The following MAP10 variants were observed in gnomAD, a reference collection of about 807,000 sequenced individuals.
MAP10 encodes the protein microtubule associated protein 10.
MAP10 carries 10 observed loss-of-function variants against 6.3 expected under a neutral mutation model. That is an observed-to-expected ratio of 1.58 (90% CI 0.98 to 2.69). The LOEUF (loss-of-function observed/expected upper bound fraction) is 2.69. MAP10 is among the 30% of genes most tolerant of loss of function. The pLI is 0.00. For synonymous variants in MAP10, 459 were observed against 429.3 expected, an observed-to-expected ratio of 1.07 and a Z score of -0.86; for missense variants, 1,189 against 1,086.5, an observed-to-expected ratio of 1.09 and a Z score of -1.33.
At chr1:232,805,906 G>T in the MAP10 span, 1 of 1,606,884 alleles carries the variant, frequency 6.2e-7, no homozygotes, top group Non-Finnish European at 8.5e-7. Flanking sequence ...GGCCGCCTCC[G>T]GATGCTCCCA....
rs780923119 is a variant in MAP10, at chr1:232,805,441, G to A, written c.-9G>A. 3.3e-5 allele frequency: 53 copies of A among 1,611,752 alleles called. No individual in the cohort carries two copies. The South Asian group carries it at 4.1e-4, about 12-fold the overall frequency. On this transcript the variant is annotated 5_prime_UTR_variant, in exon 1 of 1. Coordinates refer to ENST00000418460, the MANE Select transcript of MAP10 (RefSeq NM_019090.3). Reference sequence around the variant, plus strand: ...GGAGCCCGCGGCGGCGTTTCCTGGGGCAACAGCAATGGCGGCCTCGCTGTC... The same window carrying A: ...GGAGCCCGCGGCGGCGTTTCCTGGGACAACAGCAATGGCGGCCTCGCTGTC...
chr1:232,806,387 A>G lies in MAP10; in HGVS notation c.938A>G (p.Lys313Arg). 6.2e-7 allele frequency: 1 copy of G among 1,613,830 alleles called. No homozygotes were observed. The highest frequency in any genetic ancestry group is 8.5e-7 in the Non-Finnish European group (1 of 1,179,862). Residue 313 changes from lysine (K) to arginine (R), a missense_variant, in exon 1 of 1, where the codon AAA becomes AGA. Coordinates refer to ENST00000418460, the MANE Select transcript of MAP10 (RefSeq NM_019090.3). ...TATTACACTAACTTGACCCAAGAAA[A>G]ACCGCCCCCTGCACAGGCTAAAATC... ...PLYYTNLTQE[K>R]PPPAQAKITI...
chr1:232,809,192 A>G lies in MAP10; in HGVS notation c.*1025A>G, dbSNP rs915037571. On this transcript the variant is annotated 3_prime_UTR_variant, in exon 1 of 1. Transcript: ENST00000418460. ...CCAGTGATAATTTATAATTTATTCC[A>G]TTGGTTTTATATTTAGACTTTATTC... is the stretch of plus-strand genomic sequence containing the variant. 2.0e-5 allele frequency among the ~76,000 whole-genome samples: 3 copies of G among 151,938 alleles called. No individual in the cohort carries two copies. Among genetic ancestry groups the G allele is most frequent in the African/African-American group, 7.2e-5 (3 of 41,394 alleles).
chr1:232,806,179 A>C lies in MAP10; in HGVS notation c.730A>C (p.Lys244Gln). ...GGAGTTAGAAATCCCAGAGGCACAGAAGGATTTGAAGGAAATGGTTAAAAG... is the reference window on the plus strand; with the variant it reads ...GGAGTTAGAAATCCCAGAGGCACAGCAGGATTTGAAGGAAATGGTTAAAAG... The part of the protein sequence containing the change: ...LGELEIPEAQ[K>Q]DLKEMVKSKA... Residue 244 changes from lysine to glutamine, a missense_variant, in exon 1 of 1, where the codon AAG becomes CAG. Physicochemically the swap from Lys to Gln is moderately conservative, Grantham distance 53. Transcript: ENST00000418460. 1.2e-6 allele frequency: 2 copies of C among 1,614,020 alleles called. No homozygotes were observed. Among genetic ancestry groups the C allele is most frequent in the Non-Finnish European group, 1.7e-6 (2 of 1,179,894 alleles).
rs1666095715 is a variant in MAP10, at chr1:232,806,050, A to C, written c.601A>C (p.Thr201Pro). ...QLERPLTFTR[T>P]GGGAEVSPQT... The stretch of plus-strand genomic sequence containing the variant: ...TGAGCGGCCCCTCACCTTCACCCGC[A>C]CAGGAGGAGGAGCGGAGGTCAGTCC... The change falls in exon 1 of 1, where the codon ACA (threonine) becomes CCA (proline). Residue 201 changes from threonine to proline, a missense_variant. Coordinates refer to ENST00000418460, the MANE Select transcript of MAP10 (RefSeq NM_019090.3). 1 of 1,613,976 alleles carries C rather than the reference A, an allele frequency of 6.2e-7. No individual in the cohort carries two copies. Among genetic ancestry groups the C allele is most frequent in the Non-Finnish European group, 8.5e-7 (1 of 1,179,878 alleles).
Position 232,808,186 on chromosome 1 carries a change from A to G in MAP10, c.*19A>G. On this transcript the variant is annotated 3_prime_UTR_variant, in exon 1 of 1. Coordinates refer to ENST00000418460, the MANE Select transcript of MAP10 (RefSeq NM_019090.3). ...AATGTAAAAATACATGCTTTTAAAA[A>G]ACTTTCAAGGACCTATGTGTACTGT... The G allele has an allele frequency of 6.7e-7, 1 of 1,501,368 alleles. No individual in the cohort carries two copies. The highest frequency in any genetic ancestry group is 8.9e-7 in the Non-Finnish European group (1 of 1,119,298). The allele number at this position is 1,501,368 out of a possible 1,614,324, so 93.0% of individuals were successfully genotyped here. A position where few individuals can be genotyped will look rare whatever the true frequency, so the allele number is the denominator to read the frequency against.
Position 232,807,160 on chromosome 1 carries a change from G to A in MAP10, c.1711G>A (p.Glu571Lys), listed in dbSNP as rs377605410. The A allele has an allele frequency of 1.2e-5, 20 of 1,612,612 alleles. No individual in the cohort carries two copies. The highest frequency in any genetic ancestry group is 1.7e-5 in the Non-Finnish European group (20 of 1,179,144). ...TTTAGATTCAGATGCATCTTTCACTGAAAATAGTGATACCTCAAGACAAAT... is the reference window on the plus strand; with the variant it reads ...TTTAGATTCAGATGCATCTTTCACTAAAAATAGTGATACCTCAAGACAAAT... Reference protein sequence around the residue: ...KYLDSDASFTENSDTSRQISG... With the variant: ...KYLDSDASFTKNSDTSRQISG... The change falls in exon 1 of 1, where the codon GAA (glutamate) becomes AAA (lysine). Residue 571 changes from glutamate (E) to lysine (K), a missense_variant. Physicochemically the swap from Glu to Lys is moderately conservative, Grantham distance 56. Transcript: ENST00000418460.
In MAP10 at chr1:232,809,659, C is replaced by G. The variant is rs552173801; in HGVS notation, c.*1492C>G. Among the ~76,000 whole-genome samples, 25 of 151,988 alleles carry G rather than the reference C, an allele frequency of 1.6e-4. No homozygotes were observed. Among genetic ancestry groups the G allele is most frequent in the Non-Finnish European group, 2.7e-4 (18 of 67,874 alleles). On this transcript the variant is annotated 3_prime_UTR_variant, in exon 1 of 1. Transcript: ENST00000418460. Reference sequence around the variant, plus strand: ...TTATAAATGAGCACTAGTAAGTAGTCATGACATTTTGAATATTTTAAATTA... The same window carrying G: ...TTATAAATGAGCACTAGTAAGTAGTGATGACATTTTGAATATTTTAAATTA...
Position 232,806,904 on chromosome 1 carries a change from C to T in MAP10, c.1455C>T (p.Ala485=). 6.2e-7 allele frequency: 1 copy of T among 1,608,918 alleles called. No homozygotes were observed. The highest frequency in any genetic ancestry group is 8.5e-7 in the Non-Finnish European group (1 of 1,178,544). The stretch of plus-strand genomic sequence containing the variant: ...AATATTCTGAAAAGAGCAGTGGTGC[C>T]CTCCATAAAAGAGTTCCAAAAGGGA... ...EDKYSEKSSG[A]LHKRVPKGRL... is the part of the protein sequence containing the mutation. Residue 485 remains alanine, a synonymous_variant, in exon 1 of 1, where the codon GCC becomes GCT. Coordinates refer to ENST00000418460, the MANE Select transcript of MAP10 (RefSeq NM_019090.3).
At position 232,808,696 on chromosome 1, in the gene MAP10, A is replaced by G. The variant is rs1180488071; in HGVS notation, c.*529A>G. Among the ~76,000 whole-genome samples the G allele has an allele frequency of 2.0e-5, 3 of 152,296 alleles. No homozygotes were observed. The highest frequency in any genetic ancestry group is 4.1e-4 in the South Asian group (2 of 4,834). On this transcript the variant is annotated 3_prime_UTR_variant, in exon 1 of 1. Transcript: ENST00000418460. ...GGTGAAGTTGCTTTTATATGCTCTC[A>G]TAGTGCCCTGCACCTTTTGTTTATA...
Position 232,806,197 on chromosome 1 carries a change from G to T in MAP10, c.748G>T (p.Val250Phe). 1 of 1,614,022 alleles carries T rather than the reference G, an allele frequency of 6.2e-7. No individual in the cohort carries two copies. The highest frequency in any genetic ancestry group is 8.5e-7 in the Non-Finnish European group (1 of 1,179,900). ...GGCACAGAAGGATTTGAAGGAAATG[G>T]TTAAAAGTAAGGCCGAATGTGATAA... is the stretch of plus-strand genomic sequence containing the variant. ...PEAQKDLKEM[V>F]KSKAECDNVG... Residue 250 changes from valine (V) to phenylalanine (F), a missense_variant, in exon 1 of 1, where the codon GTT becomes TTT. Transcript: ENST00000418460.
Position 232,807,982 on chromosome 1 carries a change from T to A in MAP10, c.2533T>A (p.Ser845Thr). ...SSWKSLEKSQ[S>T]PQTSQVSSYL... The stretch of plus-strand genomic sequence containing the variant: ...TTGGAAATCTTTAGAAAAAAGCCAG[T>A]CACCACAAACATCCCAGGTGAGTTC... Residue 845 changes from serine to threonine, a missense_variant, in exon 1 of 1, where the codon TCA becomes ACA. Coordinates refer to ENST00000418460, the MANE Select transcript of MAP10 (RefSeq NM_019090.3). 6.2e-7 allele frequency: 1 copy of A among 1,613,192 alleles called. No individual in the cohort carries two copies. The highest frequency in any genetic ancestry group is 8.5e-7 in the Non-Finnish European group (1 of 1,179,548).
Position 232,808,355 on chromosome 1 carries a change from CAG to C in MAP10, c.*190_*191del. 1.1e-5 allele frequency: 5 copies of C among 459,846 alleles called. No individual in the cohort carries two copies. Among genetic ancestry groups the C allele is most frequent in the South Asian group, 1.1e-4 (2 of 18,308 alleles). 28.5% of individuals were successfully genotyped at this position (459,846 alleles called of 1,614,324 possible). A position where few individuals can be genotyped will look rare whatever the true frequency, so the allele number is the denominator to read the frequency against. On this transcript the variant is annotated 3_prime_UTR_variant, in exon 1 of 1. Transcript: ENST00000418460. ...AATATTGATTATTAAATCATATAAA[CAG>C]ATTTCTTTTTAAATTGTTTAATCAT...
At position 232,806,328 on chromosome 1, in the gene MAP10, C is replaced by T. The variant is rs181890143; in HGVS notation, c.879C>T (p.Asp293=). The T allele has an allele frequency of 6.2e-6, 10 of 1,613,958 alleles. No individual in the cohort carries two copies. In the Admixed American group the frequency reaches 1.5e-4, roughly 24 times the overall value. The change falls in exon 1 of 1, where the codon GAC becomes GAT. Residue 293 remains aspartate, a synonymous_variant. Transcript: ENST00000418460. ...SSLNEEVTEL[D]METNIFCPPP... ...TAAATGAGGAAGTCACAGAATTGGA[C>T]ATGGAGACCAATATATTTTGCCCTC... is the stretch of plus-strand genomic sequence containing the variant.
At position 232,806,319 on chromosome 1, in the gene MAP10, A is replaced by T; in HGVS notation, c.870A>T (p.Thr290=). ...RNVSSLNEEV[T]ELDMETNIFC... is the part of the protein sequence containing the mutation. ...TTAGCTCCCTAAATGAGGAAGTCAC[A>T]GAATTGGACATGGAGACCAATATAT... The change falls in exon 1 of 1, where the codon ACA becomes ACT. Residue 290 remains threonine, a synonymous_variant. Transcript: ENST00000418460. The T allele has an allele frequency of 6.2e-7, 1 of 1,614,010 alleles. No homozygotes were observed. Among genetic ancestry groups the T allele is most frequent in the Non-Finnish European group, 8.5e-7 (1 of 1,179,892 alleles).
In MAP10 at chr1:232,808,626, G is replaced by A. The variant is rs571215614; in HGVS notation, c.*459G>A. Reference sequence around the variant, plus strand: ...TTTTAAAAGCTTACAGTTGTATGTAGATAAGAAGTCTTCCTTGACATATAC... The same window carrying A: ...TTTTAAAAGCTTACAGTTGTATGTAAATAAGAAGTCTTCCTTGACATATAC... On this transcript the variant is annotated 3_prime_UTR_variant, in exon 1 of 1. Coordinates refer to ENST00000418460, the MANE Select transcript of MAP10 (RefSeq NM_019090.3). Among the ~76,000 whole-genome samples, 13 of 152,306 alleles carry A rather than the reference G, an allele frequency of 8.5e-5. No individual in the cohort carries two copies. Among genetic ancestry groups the A allele is most frequent in the South Asian group, 4.1e-4 (2 of 4,832 alleles).
chr1:232,806,388 A>T lies in MAP10; in HGVS notation c.939A>T (p.Lys313Asn). 1 of 1,613,436 alleles carries T rather than the reference A, an allele frequency of 6.2e-7. No individual in the cohort carries two copies. The highest frequency in any genetic ancestry group is 1.1e-5 in the South Asian group (1 of 91,024). The change falls in exon 1 of 1, where the codon AAA (lysine) becomes AAT (asparagine). Residue 313 changes from lysine (K) to asparagine (N), a missense_variant. By Grantham distance (94) the Lys-to-Asn change is moderately conservative. Coordinates refer to ENST00000418460, the MANE Select transcript of MAP10 (RefSeq NM_019090.3). ...ATTACACTAACTTGACCCAAGAAAA[A>T]CCGCCCCCTGCACAGGCTAAAATCA... ...PLYYTNLTQE[K>N]PPPAQAKITI... is the part of the protein sequence containing the mutation.
In MAP10 at chr1:232,807,426, T is replaced by G; in HGVS notation, c.1977T>G (p.Ile659Met). Residue 659 changes from isoleucine (I) to methionine (M), a missense_variant, in exon 1 of 1, where the codon ATT becomes ATG. Coordinates refer to ENST00000418460, the MANE Select transcript of MAP10 (RefSeq NM_019090.3). The stretch of plus-strand genomic sequence containing the variant: ...AACAGGATGCTGTTGTTGACAGAAT[T>G]GTAGATAAGGAAATAGATATTAGAC... ...VFQQDAVVDRIVDKEIDIRQV... is the reference protein window; with the variant it reads ...VFQQDAVVDRMVDKEIDIRQV... The G allele has an allele frequency of 6.2e-7, 1 of 1,613,754 alleles. No individual in the cohort carries two copies. Among genetic ancestry groups the G allele is most frequent in the Non-Finnish European group, 8.5e-7 (1 of 1,179,808 alleles).
rs1666139163 is a variant in MAP10 at position 232,808,049 on chromosome 1, G to A, written c.2600G>A (p.Ser867Asn). 6.2e-7 allele frequency: 1 copy of A among 1,612,316 alleles called. No homozygotes were observed. Among genetic ancestry groups the A allele is most frequent in the Non-Finnish European group, 8.5e-7 (1 of 1,178,670 alleles). ...GTGTCCGAACTTAATGTCCTGGATA[G>A]CAGTACATCAGATCACTTTGAAGAA... ...SNVSELNVLDSSTSDHFEEGN... is the reference protein window; with the variant it reads ...SNVSELNVLDNSTSDHFEEGN... The change falls in exon 1 of 1, where the codon AGC becomes AAC. Residue 867 changes from serine to asparagine, a missense_variant. Coordinates refer to ENST00000418460, the MANE Select transcript of MAP10 (RefSeq NM_019090.3).
Sources: gnomAD v4.1 joint callset for allele counts (sites outside exome capture counted in the v4.1 genomes callset) on GRCh38, gnomAD v4.1.1 for gene constraint, MANE v1.5 for transcripts, NCBI Gene and HGNC (gene_info 2026-07-23, HGNC 2026-07-21) for gene names.